PIK3CB: variants seen among roughly 807,000 people sequenced by gnomAD.
The protein encoded by PIK3CB is phosphatidylinositol 4,5-bisphosphate 3-kinase catalytic subunit beta isoform.
In PIK3CB, 39 loss-of-function variants were observed where a neutral mutation model predicts 136.8. The observed-to-expected ratio is 0.29, with a 90% CI of 0.22 to 0.37. The LOEUF is 0.37. PIK3CB is among the 10% of genes least tolerant of loss of function. PIK3CB has a pLI of 1.00. For missense variants in PIK3CB, 868 were observed against 1,275.4 expected (o/e 0.68, Z 4.87); for synonymous variants, 428 against 436.6 (o/e 0.98, Z 0.25).
chr3:138,721,740 ACTTTTTC>A (rs550651864), intron 8 of PIK3CB, among the ~76,000 whole-genome samples: 28 of 152,346 alleles, frequency 1.8e-4, no homozygotes, highest in African/African-American at 5.8e-4. Context: ...TTCTAGAATG[ACTTTTTC>A]CAGATTATAC....
At chr3:138,694,971 C>T in intron 13 of PIK3CB, 64 bp from the exon 14 acceptor site, 1 of 1,479,002 alleles carries the variant, frequency 6.8e-7, no homozygotes, top group Non-Finnish European at 9.1e-7. Flanking sequence ...TTTTCCTTGA[C>T]ACACAGGAGC....
intron 12 of PIK3CB, among the ~76,000 whole-genome samples, chr3:138,702,531 T>C (rs1032205527): frequency 4.6e-5 from 7 of 152,166 alleles, no homozygotes; most frequent in African/African-American, 1.7e-4. Flanking sequence ...AACTAATTCA[T>C]TTATCTGAGG....
chr3:138,759,489 T>A (rs2045631727), intron 2 of PIK3CB, 130 bp from the exon 3 acceptor site: 3 of 543,928 alleles, frequency 5.5e-6, no homozygotes, highest in Non-Finnish European at 9.8e-6. Flanking sequence ...AGGAGGCCAA[T>A]TAAATAATGT....
intron 19 of PIK3CB, 26 bp from the exon 20 acceptor site, chr3:138,665,229 G>T: frequency 1.3e-6 from 2 of 1,495,014 alleles, no homozygotes; most frequent in Non-Finnish European, 1.8e-6. Flanking sequence ...TGGGCATAGA[G>T]TCATATTTTC....
At chr3:138,819,770 T>C (rs145487886) in intron 1 of PIK3CB, among the ~76,000 whole-genome samples, 1 of 152,060 alleles carries the variant, frequency 6.6e-6, no homozygotes, top group East Asian at 1.9e-4. Context: ...AGGCCAGGAG[T>C]TTGAGACCAA....
chr3:138,802,613 C>T (rs2046190524), intron 1 of PIK3CB, among the ~76,000 whole-genome samples: 1 of 152,072 alleles, frequency 6.6e-6, no homozygotes, highest in South Asian at 2.1e-4. Context: ...TTTTGACCTT[C>T]CAGAGCTCAG....
chr3:138,804,207 T>C (rs879480454), intron 1 of PIK3CB, among the ~76,000 whole-genome samples: 1 of 151,554 alleles, frequency 6.6e-6, no homozygotes, highest in African/African-American at 2.4e-5. Flanking sequence ...AGAGAAAAAA[T>C]ACATGAATAT....
Position 138,671,368 on chromosome 3 carries a change from T to C in PIK3CB, c.2505-6165A>G, listed in dbSNP as rs995167497. Among the ~76,000 whole-genome samples the C allele has an allele frequency of 3.3e-5, 5 of 152,288 alleles. No individual in the cohort carries two copies. The South Asian group carries it at 1.0e-3, about 32-fold the overall frequency. On this transcript the variant is annotated intron_variant, in intron 19 of 23. Coordinates refer to ENST00000674063, the MANE Select transcript of PIK3CB (RefSeq NM_006219.3). ...ACTTAAGAAATTAATCAGGAGATAT[T>C]ATAATCTTGCAGGAACAAAGTCGAT...
In PIK3CB at chr3:138,654,897, T is replaced by C. The variant is rs1015924254; in HGVS notation, c.*492A>G. The C allele has an allele frequency of 1.4e-5, 3 of 210,782 alleles. No homozygotes were observed. Among genetic ancestry groups the C allele is most frequent in the Admixed American group, 1.2e-4 (2 of 17,046 alleles). The allele number at this position is 210,782 out of a possible 1,614,324, so 13.1% of individuals were successfully genotyped here. On this transcript the variant is annotated 3_prime_UTR_variant, in exon 24 of 24. Coordinates refer to ENST00000674063, the MANE Select transcript of PIK3CB (RefSeq NM_006219.3). ...ATTTCTTCTGGAAAATAATCATAAA[T>C]TCAAATTATATTATAATTTGCAGTT... is the stretch of plus-strand genomic sequence containing the variant.
chr3:138,699,416 G>T (rs1369824027), intron 12 of PIK3CB, among the ~76,000 whole-genome samples: 1 of 152,052 alleles, frequency 6.6e-6, no homozygotes, highest in East Asian at 1.9e-4. Flanking sequence ...GGAGGCCAAT[G>T]TGGGTGGGTG....
At chr3:138,716,604 T>C (rs550360032) in intron 8 of PIK3CB, among the ~76,000 whole-genome samples, 1 of 152,088 alleles carries the variant, frequency 6.6e-6, no homozygotes, top group African/African-American at 2.4e-5. Context: ...CAAAATATTA[T>C]CAAAAGCACA....
At chr3:138,718,467 G>C (rs912678317) in intron 8 of PIK3CB, among the ~76,000 whole-genome samples, 27 of 151,938 alleles carry the variant, frequency 1.8e-4, no homozygotes, top group Non-Finnish European at 3.5e-4. Flanking sequence ...CATTCTGTAG[G>C]CTGTTTACTC....
At chr3:138,797,563 G>A (rs1358042472) in intron 1 of PIK3CB, among the ~76,000 whole-genome samples, 8 of 152,038 alleles carry the variant, frequency 5.3e-5, no homozygotes, top group African/African-American at 1.9e-4. Flanking sequence ...TAAATGAGAG[G>A]AACATTATAA....
At chr3:138,704,384 A>T in intron 12 of PIK3CB, 59 bp downstream of exon 12, 1 of 1,125,892 alleles carries the variant, frequency 8.9e-7, no homozygotes, top group South Asian at 1.2e-5. Flanking sequence ...TGAGGCAAAG[A>T]TACCTAATAA....
chr3:138,734,624 T>C lies in PIK3CB; in HGVS notation c.972+10A>G. 1 of 1,594,790 alleles carries C rather than the reference T, an allele frequency of 6.3e-7. No homozygotes were observed. Among genetic ancestry groups the C allele is most frequent in the Non-Finnish European group, 8.6e-7 (1 of 1,166,492 alleles). On this transcript the variant is annotated intron_variant, in intron 7 of 23. Coordinates refer to ENST00000674063, the MANE Select transcript of PIK3CB (RefSeq NM_006219.3). ...TTTGGGGTTACTAAAGGTTCAGAAA[T>C]AAAACTTACAGAAATAATTCGTGTT...
At chr3:138,788,997 A>AAC (rs2046018018) in intron 2 of PIK3CB, among the ~76,000 whole-genome samples, 6 of 150,194 alleles carry the variant, frequency 4.0e-5, no homozygotes, top group African/African-American at 1.5e-4. Flanking sequence ...AAAAAACAAA[A>AAC]AACAACACCA....
At chr3:138,746,532 G>T (rs1489384261) in intron 4 of PIK3CB, among the ~76,000 whole-genome samples, 2 of 151,658 alleles carry the variant, frequency 1.3e-5, no homozygotes, top group East Asian at 3.9e-4. Flanking sequence ...GTGGTGGCGG[G>T]GACCTGTAGT....
In PIK3CB at chr3:138,788,656, C is replaced by T. The variant is rs566071790; in HGVS notation, c.-17+7807G>A. On this transcript the variant is annotated intron_variant, in intron 2 of 23. Transcript: ENST00000674063. ...TGGGTGACAGAGCAAGACTTTGTCT[C>T]AAAAAAAAAAAAAAAAAAAAAAAAG... 1.6e-4 allele frequency among the ~76,000 whole-genome samples: 6 copies of T among 37,726 alleles called. No individual in the cohort carries two copies. In the South Asian group the frequency reaches 9.1e-3, roughly 58 times the overall value. 24.7% of individuals were successfully genotyped at this position (37,726 alleles called of 152,430 possible). A position where few individuals can be genotyped will look rare whatever the true frequency, so the allele number is the denominator to read the frequency against.
intron 21 of PIK3CB, among the ~76,000 whole-genome samples, chr3:138,659,871 T>A (rs2043261039): frequency 8.2e-6 from 1 of 121,830 alleles, no homozygotes; most frequent in South Asian, 2.8e-4. Context: ...CTCTTCTTTT[T>A]TTTTTTTTTT....
Sources: gnomAD v4.1 joint callset for allele counts (sites outside exome capture counted in the v4.1 genomes callset) on GRCh38, gnomAD v4.1.1 for gene constraint, MANE v1.5 for transcripts, NCBI Gene and HGNC (gene_info 2026-07-23, HGNC 2026-07-21) for gene names.